The following ADAMTSL2 variants were observed in gnomAD, a reference collection of about 807,000 sequenced individuals.
The protein encoded by ADAMTSL2 is ADAMTS like 2, also known as ADAMTS-like protein 2.
ADAMTSL2 carries 55 observed loss-of-function variants against 117.0 expected under a neutral mutation model. The ratio of observed to expected loss-of-function variants is 0.47; its 90% CI spans 0.38 to 0.59. The LOEUF (loss-of-function observed/expected upper bound fraction) is 0.59. ADAMTSL2 is among the 20% of genes least tolerant of loss of function. ADAMTSL2 has a pLI of 0.00. For synonymous variants in ADAMTSL2, 572 were observed against 566.4 expected (o/e 1.01, Z -0.14); for missense variants, 1,182 against 1,354.5 (o/e 0.87, Z 2.00).
intron 2 of ADAMTSL2, among the ~76,000 whole-genome samples, chr9:133,537,077 G>C (rs527871670): frequency 6.6e-6 from 1 of 152,226 alleles, no homozygotes; most frequent in Non-Finnish European, 1.5e-5. Context: ...GCCAGGGTAG[G>C]CTGTGTCCTG....
rs1243905578 is a variant in ADAMTSL2, at chr9:133,558,531, T to C, written c.1649+2601T>C. The stretch of plus-strand genomic sequence containing the variant: ...AGACGCGGAGTCCCTCTCCGCAGCC[T>C]TGGGGGGAGAGAAGAACAGAGCACT... On this transcript the variant is annotated intron_variant, in intron 11 of 18. Transcript: ENST00000651351. This position sits in a 1 kb window ranked among gnomAD's most constrained non-coding sequence, Gnocchi z 4.3. Among the ~76,000 whole-genome samples, 1 of 152,180 alleles carries C rather than the reference T, an allele frequency of 6.6e-6. No homozygotes were observed. Among genetic ancestry groups the C allele is most frequent in the Non-Finnish European group, 1.5e-5 (1 of 68,034 alleles).
At position 133,540,686 on chromosome 9, in the gene ADAMTSL2, C is replaced by T. The variant is rs1418103492; in HGVS notation, c.501C>T (p.Asp167=). 8.7e-6 allele frequency: 14 copies of T among 1,613,694 alleles called. No homozygotes were observed. The highest frequency in any genetic ancestry group is 3.3e-5 in the Admixed American group (2 of 60,014). Residue 167 remains aspartate, a synonymous_variant, in exon 6 of 19, where the codon GAC becomes GAT. Transcript: ENST00000651351. ...GGCAGCTCATGGTCCCCGCCCGCGA[C>T]GGCACATCCTGCAAGCTCACTGACC... ...GQRQLMVPAR[D]GTSCKLTDLR... is the part of the protein sequence containing the mutation.
chr9:133,536,420 G>C, intron 1 of ADAMTSL2, 143 bp from the exon 2 acceptor site: 1 of 1,242,294 alleles, frequency 8.0e-7, no homozygotes, highest in Non-Finnish European at 1.1e-6. Context: ...ATGCTTCCCT[G>C]CATGCCCTTG....
At chr9:133,535,171 G>A (rs901473257) in intron 1 of ADAMTSL2, among the ~76,000 whole-genome samples, 10 of 152,202 alleles carry the variant, frequency 6.6e-5, no homozygotes, top group African/African-American at 2.4e-4. Context: ...GGACCCCAGG[G>A]AGGGATGGAT....
At chr9:133,544,281 A>G (rs978644418) in intron 7 of ADAMTSL2, among the ~76,000 whole-genome samples, 189 bp from the exon 8 acceptor site, 1 of 152,124 alleles carries the variant, frequency 6.6e-6, no homozygotes, top group Non-Finnish European at 1.5e-5. Context: ...GAGCCTGGGC[A>G]GGTGCCCAGC....
intron 10 of ADAMTSL2, among the ~76,000 whole-genome samples, 170 bp from the exon 11 acceptor site, chr9:133,555,388 C>A (rs1830582175): frequency 6.6e-6 from 1 of 152,140 alleles, no homozygotes; most frequent in East Asian, 1.9e-4. Flanking sequence ...AGGTCTCATG[C>A]CTCCGTTTTG....
rs144412661 is a variant in ADAMTSL2 at position 133,546,636 on chromosome 9, C to T, written c.764-402C>T. 3.2e-3 allele frequency among the ~76,000 whole-genome samples: 488 copies of T among 152,310 alleles called. 3 individuals carry two copies. Among genetic ancestry groups the T allele is most frequent in the African/African-American group, 0.01 (435 of 41,574 alleles). On this transcript the variant is annotated intron_variant, in intron 8 of 18. Coordinates refer to ENST00000651351, the MANE Select transcript of ADAMTSL2 (RefSeq NM_014694.4). Reference sequence around the variant, plus strand: ...CTGCAGGGTCACTCTGTGTGGATGACGGGAGGGGCACCCAGGACCCCTGCT... The same window carrying T: ...CTGCAGGGTCACTCTGTGTGGATGATGGGAGGGGCACCCAGGACCCCTGCT...
At position 133,568,456 on chromosome 9, in the gene ADAMTSL2, GC is replaced by G; in HGVS notation, c.2062del (p.Gln688SerfsTer20). On this transcript the variant is annotated frameshift_variant, in exon 14 of 19. Transcript: ENST00000651351. LOFTEE classifies it high-confidence loss of function. ...RKTCRNPACG[P>X]QWEMSEWSEC... ...AGACCTGCCGGAACCCCGCCTGCGGGCCCCAGTGGGAGATGTCGGAGTGGTC... is the reference window on the plus strand; with the variant it reads ...AGACCTGCCGGAACCCCGCCTGCGGGCCCAGTGGGAGATGTCGGAGTGGTC... 6.2e-7 allele frequency: 1 copy of G among 1,607,310 alleles called. No homozygotes were observed. Among genetic ancestry groups the G allele is most frequent in the Non-Finnish European group, 8.5e-7 (1 of 1,177,734 alleles).
At chr9:133,565,763 T>G (rs1183648215) in intron 12 of ADAMTSL2, among the ~76,000 whole-genome samples, 16 of 152,120 alleles carry the variant, frequency 1.1e-4, no homozygotes, top group African/African-American at 3.9e-4. Context: ...GATTTCCTTC[T>G]GGGGGAACTG....
intron 7 of ADAMTSL2, among the ~76,000 whole-genome samples, chr9:133,543,780 G>A (rs920082002): frequency 1.3e-5 from 2 of 152,172 alleles, no homozygotes; most frequent in Non-Finnish European, 2.9e-5. Context: ...TTCTCCCCAG[G>A]CTCCTCTCTC....
intron 7 of ADAMTSL2, among the ~76,000 whole-genome samples, chr9:133,543,282 A>G (rs765614024): frequency 5.3e-5 from 8 of 152,204 alleles, no homozygotes; most frequent in Admixed American, 2.0e-4. Context: ...TCTCTTCCCA[A>G]TGCCACACCC....
At chr9:133,544,759 T>C (rs1830309275) in intron 8 of ADAMTSL2, among the ~76,000 whole-genome samples, 1 of 152,126 alleles carries the variant, frequency 6.6e-6, no homozygotes, top group African/African-American at 2.4e-5. Context: ...CCCCTGTGCA[T>C]GGCAGGACCT....
At position 133,554,584 on chromosome 9, in the gene ADAMTSL2, G is replaced by A. The variant is rs995138068; in HGVS notation, c.1167G>A (p.Pro389=). Residue 389 remains proline (P), a synonymous_variant, in exon 10 of 19, where the codon CCG becomes CCA. Coordinates refer to ENST00000651351, the MANE Select transcript of ADAMTSL2 (RefSeq NM_014694.4). The surrounding 1 kb of genome is among the most constrained non-coding windows in gnomAD (Gnocchi z 5.2). ...TGGACAACCGGCTGTTCGGCCACCC[G>A]GGCCTGGACATGGAGCTGGGCCCCA... ...LGLDNRLFGH[P]GLDMELGPSQ... The A allele has an allele frequency of 1.8e-4, 275 of 1,547,690 alleles. No homozygotes were observed. Among genetic ancestry groups the A allele is most frequent in the Middle Eastern group, 5.4e-4 (3 of 5,598 alleles).
intron 11 of ADAMTSL2, among the ~76,000 whole-genome samples, chr9:133,559,396 T>C (rs768384893): frequency 0.027 from 3,441 of 127,614 alleles, 54 homozygotes; most frequent in Non-Finnish European, 0.028. Context: ...TGCTCAGGAG[T>C]GCAGTGGTGT....
chr9:133,573,890 C>T lies in ADAMTSL2; in HGVS notation c.2640C>T (p.Cys880=). The change falls in exon 18 of 19, where the codon TGC becomes TGT. Residue 880 remains cysteine, a synonymous_variant. Transcript: ENST00000651351. Reference sequence around the variant, plus strand: ...GCGTGAGGATGCGAGACGTCAAGTGCTACCAGGGGACCGACATCGTCCGTG... The same window carrying T: ...GCGTGAGGATGCGAGACGTCAAGTGTTACCAGGGGACCGACATCGTCCGTG... ...GVGVRMRDVK[C]YQGTDIVRGC... is the part of the protein sequence containing the mutation. The T allele has an allele frequency of 6.2e-7, 1 of 1,614,142 alleles. No individual in the cohort carries two copies. Among genetic ancestry groups the T allele is most frequent in the Non-Finnish European group, 8.5e-7 (1 of 1,180,030 alleles).
intron 1 of ADAMTSL2, among the ~76,000 whole-genome samples, chr9:133,536,160 A>T (rs1588273115): frequency 2.0e-5 from 3 of 152,226 alleles, no homozygotes; most frequent in South Asian, 4.1e-4. Context: ...TTCCCCCGGG[A>T]CCTGGCCAAG....
Position 133,554,403 on chromosome 9 carries a change from C to T in ADAMTSL2, c.986C>T (p.Thr329Met), listed in dbSNP as rs1179347228. Reference protein sequence around the residue: ...GKSPSITFEYTLLQPPHESRP... With the variant: ...GKSPSITFEYMLLQPPHESRP... ...AGCCCCTCCATCACCTTCGAGTACA[C>T]GCTGCTGCAGCCGCCACACGAGAGC... Residue 329 changes from threonine to methionine, a missense_variant, in exon 10 of 19, where the codon ACG becomes ATG. Physicochemically the swap from Thr to Met is moderately conservative, Grantham distance 81. Transcript: ENST00000651351. The surrounding 1 kb of genome is among the most constrained non-coding windows in gnomAD (Gnocchi z 5.2). 17 of 1,562,098 alleles carry T rather than the reference C, an allele frequency of 1.1e-5. No homozygotes were observed. Among genetic ancestry groups the T allele is most frequent in the East Asian group, 4.7e-5 (2 of 42,906 alleles).
At chr9:133,539,672 C>CGGCTGTCCCGGCTGTCCCGGCTGTCCA in intron 4 of ADAMTSL2, 99 bp from the exon 5 acceptor site, 3 of 1,253,152 alleles carry the variant, frequency 2.4e-6, no homozygotes, top group Non-Finnish European at 3.4e-6. Context: ...CCGGCTGTCC[C>CGGCTGTCCCGGCTGTCCCGGCTGTCCA]GGCTGTCCCG....
intron 12 of ADAMTSL2, among the ~76,000 whole-genome samples, chr9:133,562,819 T>C (rs374266928): frequency 0.032 from 1,604 of 49,556 alleles, 133 homozygotes; most frequent in Middle Eastern, 0.068. Flanking sequence ...CTCGCACCGC[T>C]GTGGGCGGCG....
Sources: allele counts gnomAD v4.1 joint callset (sites outside exome capture counted in the v4.1 genomes callset), GRCh38; gene constraint gnomAD v4.1.1; non-coding constraint Gnocchi (gnomAD v3.1); transcripts MANE v1.5; gene names NCBI Gene and HGNC (gene_info 2026-07-23, HGNC 2026-07-21).